Variants in MINDY3 observed in about 807,000 individuals in gnomAD.
MINDY3 encodes the protein ubiquitin carboxyl-terminal hydrolase MINDY-3.
A neutral mutation model predicts 69.2 loss-of-function variants in MINDY3; 38 were observed. That is an observed-to-expected ratio of 0.55 (90% confidence interval 0.42 to 0.72). The LOEUF (loss-of-function observed/expected upper bound fraction) is 0.72. MINDY3 is among the 30% of genes least tolerant of loss of function. MINDY3 has a pLI of 0.00. For missense variants in MINDY3, 522 were observed against 519.0 expected (o/e 1.01, Z -0.06); for synonymous variants, 192 against 180.1 (o/e 1.07, Z -0.53).
intron 2 of MINDY3, among the ~76,000 whole-genome samples, chr10:15,845,103 T>G (rs1281738700): frequency 6.6e-6 from 1 of 152,242 alleles, no homozygotes; most frequent in East Asian, 1.9e-4. Flanking sequence ...GTGTTGATGA[T>G]ACATTAAGTT....
intron 1 of MINDY3, among the ~76,000 whole-genome samples, chr10:15,855,591 C>A (rs1186614142): frequency 6.6e-6 from 1 of 152,082 alleles, no homozygotes; most frequent in Non-Finnish European, 1.5e-5. Flanking sequence ...TAGCTCAGAA[C>A]CAGGGTAAAC....
At chr10:15,853,446 C>A (rs1834449798) in intron 1 of MINDY3, among the ~76,000 whole-genome samples, 1 of 151,662 alleles carries the variant, frequency 6.6e-6, no homozygotes. Context: ...CCTTAGCATA[C>A]ATCGAGACAG....
intron 11 of MINDY3, among the ~76,000 whole-genome samples, chr10:15,792,439 T>C (rs1390276472): frequency 1.3e-5 from 2 of 152,122 alleles, no homozygotes; most frequent in African/African-American, 2.4e-5. Flanking sequence ...GTACAAAATA[T>C]GGTGGCACTA....
At chr10:15,793,017 G>A (rs1359822182) in intron 11 of MINDY3, among the ~76,000 whole-genome samples, 1 of 152,146 alleles carries the variant, frequency 6.6e-6, no homozygotes, top group African/African-American at 2.4e-5. Context: ...CACACAGCTA[G>A]TGAGGCGTAA....
chr10:15,855,405 C>T (rs1564537692), intron 1 of MINDY3, among the ~76,000 whole-genome samples: 1 of 152,162 alleles, frequency 6.6e-6, no homozygotes, highest in Middle Eastern at 3.4e-3. Flanking sequence ...CTCAAGAGTT[C>T]TCATACTCAA....
intron 11 of MINDY3, 47 bp from the exon 12 acceptor site, chr10:15,789,366 A>C (rs1837241010): frequency 2.1e-6 from 3 of 1,436,824 alleles, no homozygotes; most frequent in Admixed American, 1.7e-5. Flanking sequence ...AATTTACTTC[A>C]AGAAATGCTA....
At chr10:15,789,668 T>C (rs1837265843) in intron 11 of MINDY3, among the ~76,000 whole-genome samples, 1 of 152,202 alleles carries the variant, frequency 6.6e-6, no homozygotes, top group East Asian at 1.9e-4. Flanking sequence ...AGTAAACCTT[T>C]ACATTTGCAT....
chr10:15,848,489 C>T (rs1834011726), intron 1 of MINDY3, among the ~76,000 whole-genome samples: 1 of 151,608 alleles, frequency 6.6e-6, no homozygotes, highest in Admixed American at 6.6e-5. Flanking sequence ...AAAAAATTAG[C>T]CAGGTGTGGT....
chr10:15,815,817 AGGGGG>A (rs1839316919), intron 10 of MINDY3, among the ~76,000 whole-genome samples: 1 of 152,184 alleles, frequency 6.6e-6, no homozygotes, highest in African/African-American at 2.4e-5. Context: ...GACACAGGAA[AGGGGG>A]CTGAGAGATG....
At chr10:15,810,413 AAT>A in intron 10 of MINDY3, among the ~76,000 whole-genome samples, 1 of 152,158 alleles carries the variant, frequency 6.6e-6, no homozygotes. Flanking sequence ...CTTATTTGTA[AAT>A]ACTCATGACA....
chr10:15,812,902 C>G (rs774130641), intron 10 of MINDY3, among the ~76,000 whole-genome samples: 6 of 152,192 alleles, frequency 3.9e-5, no homozygotes, highest in Admixed American at 6.5e-5. Flanking sequence ...CAATCCATCA[C>G]CCAGTCCTGT....
chr10:15,779,859 GA>G (rs1588489705), intron 14 of MINDY3, among the ~76,000 whole-genome samples: 1 of 152,076 alleles, frequency 6.6e-6, no homozygotes, highest in East Asian at 1.9e-4. Flanking sequence ...TGAATAGCAA[GA>G]AAAATTTTAT....
chr10:15,850,306 C>T (rs1324698532), intron 1 of MINDY3, among the ~76,000 whole-genome samples: 1 of 152,156 alleles, frequency 6.6e-6, no homozygotes, highest in Admixed American at 6.5e-5. Context: ...GAAATTTGGG[C>T]ACCCAAAAGC....
intron 14 of MINDY3, among the ~76,000 whole-genome samples, chr10:15,779,837 T>C (rs952166572): frequency 7.9e-5 from 12 of 152,150 alleles, no homozygotes; most frequent in East Asian, 1.9e-4. Flanking sequence ...CACAGAAATA[T>C]ATACTGGCAG....
At chr10:15,785,706 CTCTT>C (rs1445364453) in intron 13 of MINDY3, among the ~76,000 whole-genome samples, 25 of 151,834 alleles carry the variant, frequency 1.6e-4, no homozygotes, top group African/African-American at 5.6e-4. Context: ...TGAATCTTAC[CTCTT>C]TCTTAACAAT....
intron 9 of MINDY3, among the ~76,000 whole-genome samples, chr10:15,820,200 G>T (rs558057109): frequency 1.3e-5 from 2 of 152,208 alleles, no homozygotes; most frequent in Admixed American, 6.5e-5. Context: ...AGTCCAGCCT[G>T]AAGGGGACAG....
At chr10:15,840,473 C>A (rs948884839) in intron 4 of MINDY3, among the ~76,000 whole-genome samples, 1 of 151,638 alleles carries the variant, frequency 6.6e-6, no homozygotes, top group African/African-American at 2.4e-5. Flanking sequence ...AAGACACTGA[C>A]AACACAGAGG....
chr10:15,789,355 G>C (rs764082200), intron 11 of MINDY3, 36 bp from the exon 12 acceptor site: 4 of 1,495,320 alleles, frequency 2.7e-6, no homozygotes, highest in Admixed American at 1.7e-5. Context: ...CTTGAAATAA[G>C]AATTTACTTC....
At chr10:15,799,294 G>T (rs1348259998) in intron 10 of MINDY3, among the ~76,000 whole-genome samples, 1 of 152,058 alleles carries the variant, frequency 6.6e-6, no homozygotes, top group Non-Finnish European at 1.5e-5. Context: ...CCACCTCCCA[G>T]GTTCAAGCAA....
Sources: allele counts gnomAD v4.1 joint callset (sites outside exome capture counted in the v4.1 genomes callset), GRCh38; gene constraint gnomAD v4.1.1; transcripts MANE v1.5; gene names NCBI Gene and HGNC (gene_info 2026-07-23, HGNC 2026-07-21).